The following DYNC1I1 variants were observed in gnomAD, a reference collection of about 807,000 sequenced individuals.
DYNC1I1 encodes the protein dynein cytoplasmic 1 intermediate chain 1.
Under a neutral mutation model 86.6 loss-of-function variants are expected in DYNC1I1, and 43 were observed. The ratio of observed to expected loss-of-function variants is 0.50; its 90% CI spans 0.39 to 0.64. DYNC1I1 has a LOEUF of 0.64. DYNC1I1 is among the 30% of genes least tolerant of loss of function. The pLI is 0.00. For missense variants in DYNC1I1, 604 were observed against 788.8 expected (o/e 0.77, Z 2.81); for synonymous variants, 262 against 283.7 (o/e 0.92, Z 0.77).
intron 1 of DYNC1I1, among the ~76,000 whole-genome samples, chr7:95,797,914 G>A (rs552581514): frequency 1.3e-5 from 2 of 152,050 alleles, no homozygotes; most frequent in African/African-American, 4.8e-5. Flanking sequence ...AAAAAGATAT[G>A]TGAAAATGTA....
chr7:95,800,375 G>C (rs911773567), intron 1 of DYNC1I1, among the ~76,000 whole-genome samples: 2 of 152,122 alleles, frequency 1.3e-5, no homozygotes, highest in Non-Finnish European at 2.9e-5. Context: ...TGATAGTAAA[G>C]CTGGAGGGTT....
intron 6 of DYNC1I1, among the ~76,000 whole-genome samples, chr7:95,904,501 A>G (rs1287061147): frequency 6.6e-6 from 1 of 152,078 alleles, no homozygotes; most frequent in African/African-American, 2.4e-5. Flanking sequence ...GAAGAGACAC[A>G]TTTTCAGCCA....
intron 14 of DYNC1I1, among the ~76,000 whole-genome samples, chr7:96,066,017 A>T (rs1470751855): frequency 6.6e-6 from 1 of 152,188 alleles, no homozygotes; most frequent in Non-Finnish European, 1.5e-5. Flanking sequence ...ATTAATAGCT[A>T]ATTGCAGCAA....
At chr7:95,790,428 G>C (rs1400367092) in intron 1 of DYNC1I1, among the ~76,000 whole-genome samples, 5 of 152,006 alleles carry the variant, frequency 3.3e-5, no homozygotes. Flanking sequence ...CTCTGCCTGG[G>C]AGCACCACTC....
rs117803618 is a variant in DYNC1I1, at chr7:95,868,520, A to G, written c.375-1363A>G. Among the ~76,000 whole-genome samples the G allele has an allele frequency of 1.5e-3, 236 of 152,258 alleles. 6 individuals carry two copies. The East Asian group carries it at 0.028, about 18-fold the overall frequency. ...ATACTTCTGTTGCTCCTAGAGAGCT[A>G]GGGAATGCAAGATTTTGGCTAAATG... On this transcript the variant is annotated intron_variant, in intron 5 of 16. Transcript: ENST00000447467.
At chr7:96,067,460 T>C (rs999119994) in intron 14 of DYNC1I1, among the ~76,000 whole-genome samples, 3 of 151,648 alleles carry the variant, frequency 2.0e-5, no homozygotes, top group Non-Finnish European at 4.4e-5. Context: ...TTTTTTTTTT[T>C]TTATTTCTTC....
chr7:96,035,887 T>A, intron 13 of DYNC1I1, 135 bp downstream of exon 13: 1 of 1,384,354 alleles, frequency 7.2e-7, no homozygotes, highest in Non-Finnish European at 9.9e-7. Flanking sequence ...AACTCTTCAT[T>A]ATCTTAAAGA....
At chr7:95,908,383 A>G (rs973288877) in intron 6 of DYNC1I1, among the ~76,000 whole-genome samples, 4 of 152,168 alleles carry the variant, frequency 2.6e-5, no homozygotes, top group Admixed American at 2.6e-4. Flanking sequence ...CCTAAATATC[A>G]AAGATTTAAA....
intron 5 of DYNC1I1, among the ~76,000 whole-genome samples, chr7:95,868,094 CA>C (rs1331963073): frequency 3.3e-5 from 5 of 152,176 alleles, no homozygotes; most frequent in African/African-American, 4.8e-5. Flanking sequence ...GTCACTTGTG[CA>C]AAGCTCAGCC....
At chr7:95,848,623 A>C (rs929387240) in intron 5 of DYNC1I1, among the ~76,000 whole-genome samples, 1 of 152,124 alleles carries the variant, frequency 6.6e-6, no homozygotes, top group African/African-American at 2.4e-5. Context: ...TTACCTATTC[A>C]TCTTTTGATA....
intron 6 of DYNC1I1, among the ~76,000 whole-genome samples, chr7:95,947,992 T>G (rs1792450417): frequency 6.6e-6 from 1 of 150,922 alleles, no homozygotes; most frequent in African/African-American, 2.4e-5. Flanking sequence ...TTTTTTTTTT[T>G]TTTTTTTTGG....
intron 15 of DYNC1I1, among the ~76,000 whole-genome samples, chr7:96,079,453 T>A (rs1193967129): frequency 6.6e-6 from 1 of 152,212 alleles, no homozygotes; most frequent in Non-Finnish European, 1.5e-5. Context: ...TATAAACTTC[T>A]AACCTTGAAG....
intron 6 of DYNC1I1, among the ~76,000 whole-genome samples, chr7:95,902,449 G>A (rs1791063796): frequency 6.6e-6 from 1 of 152,172 alleles, no homozygotes; most frequent in South Asian, 2.1e-4. Context: ...ATGTTCTACA[G>A]CACAAGGCAG....
At chr7:95,985,217 C>CAGGTGAT (rs1323813099) in intron 8 of DYNC1I1, among the ~76,000 whole-genome samples, 1 of 152,028 alleles carries the variant, frequency 6.6e-6, no homozygotes, top group African/African-American at 2.4e-5. Flanking sequence ...GGGAACAGTC[C>CAGGTGAT]AGGTGATAGA....
chr7:96,025,039 T>C (rs1794643675), intron 10 of DYNC1I1, among the ~76,000 whole-genome samples: 1 of 152,114 alleles, frequency 6.6e-6, no homozygotes, highest in Non-Finnish European at 1.5e-5. Context: ...AATATATCTA[T>C]ACACATATAT....
chr7:95,774,242 A>G lies in DYNC1I1; in HGVS notation c.-10+1469A>G, dbSNP rs534980225. Among the ~76,000 whole-genome samples, 28 of 152,280 alleles carry G rather than the reference A, an allele frequency of 1.8e-4. 1 individual carries two copies. The South Asian group carries it at 5.8e-3, about 32-fold the overall frequency. On this transcript the variant is annotated intron_variant, in intron 1 of 16. Coordinates refer to ENST00000447467, the MANE Select transcript of DYNC1I1 (RefSeq NM_001135556.2). ...GAATGCAGGCTTTTCCAGCCTGTCAAGCTCTTAGCCCTGTTTCTGGCCCAC... is the reference window on the plus strand; with the variant it reads ...GAATGCAGGCTTTTCCAGCCTGTCAGGCTCTTAGCCCTGTTTCTGGCCCAC...
At chr7:96,032,572 C>A in intron 11 of DYNC1I1, 95 bp from the exon 12 acceptor site, 1 of 959,692 alleles carries the variant, frequency 1.0e-6, no homozygotes. Flanking sequence ...TTATGTTACT[C>A]TTTAATCCTT....
chr7:95,810,646 GT>G, intron 3 of DYNC1I1, 140 bp downstream of exon 3: 1 of 711,376 alleles, frequency 1.4e-6, no homozygotes, highest in Non-Finnish European at 2.1e-6. Context: ...TATGGTTCAG[GT>G]TGCATGTGTT....
At chr7:96,037,341 C>A (rs1040101552) in intron 13 of DYNC1I1, among the ~76,000 whole-genome samples, 1 of 152,154 alleles carries the variant, frequency 6.6e-6, no homozygotes, top group Non-Finnish European at 1.5e-5. Flanking sequence ...CTACTTTGAG[C>A]AAAGTGCATT....
Sources: gnomAD v4.1 joint callset for allele counts (sites outside exome capture counted in the v4.1 genomes callset) on GRCh38, gnomAD v4.1.1 for gene constraint, MANE v1.5 for transcripts, NCBI Gene and HGNC (gene_info 2026-07-23, HGNC 2026-07-21) for gene names.